Variants in TANK observed in about 807,000 individuals in gnomAD.
TANK encodes the protein TRAF family member-associated NF-kappa-B activator.
TANK carries 15 observed loss-of-function variants against 43.6 expected under a neutral mutation model. The ratio of observed to expected loss-of-function variants is 0.34; its 90% CI spans 0.23 to 0.53. The LOEUF is 0.53. TANK is among the 20% of genes least tolerant of loss of function. The pLI, the probability that TANK is intolerant of heterozygous loss-of-function variation, is 0.94. For synonymous variants in TANK, 162 were observed against 178.2 expected (o/e 0.91, Z 0.73); for missense variants, 417 against 498.6 (o/e 0.84, Z 1.56).
chr2:161,204,496 G>A (rs1205403830), intron 3 of TANK, among the ~76,000 whole-genome samples, 179 bp from the exon 4 acceptor site: 1 of 152,118 alleles, frequency 6.6e-6, no homozygotes, highest in African/African-American at 2.4e-5. Flanking sequence ...TGTTTAGTGG[G>A]AAGGAAAAAA....
chr2:161,144,361 G>T (rs1334455034), intron 1 of TANK, among the ~76,000 whole-genome samples: 1 of 152,046 alleles, frequency 6.6e-6, no homozygotes, highest in Non-Finnish European at 1.5e-5. Context: ...TTTTGGATTT[G>T]TTTGCTCTTG....
At chr2:161,201,352 T>C (rs530419845) in intron 2 of TANK, 1 of 830,092 alleles carries the variant, frequency 1.2e-6, no homozygotes, top group Non-Finnish European at 1.5e-6. Context: ...AGCCAGAGAA[T>C]AGAAGATAAA....
At chr2:161,208,527 C>G (rs1235878545) in intron 4 of TANK, among the ~76,000 whole-genome samples, 1 of 152,078 alleles carries the variant, frequency 6.6e-6, no homozygotes, top group African/African-American at 2.4e-5. Flanking sequence ...AGACTTACCC[C>G]AAAACTTAGG....
chr2:161,186,982 G>T lies in TANK; in HGVS notation c.99+7221G>T, dbSNP rs986274673. Among the ~76,000 whole-genome samples the T allele has an allele frequency of 9.8e-5, 15 of 152,290 alleles. No homozygotes were observed. In the East Asian group the frequency reaches 2.9e-3, roughly 29 times the overall value. Reference sequence around the variant, plus strand: ...CACAATTTGATATCATCTCACCTGAGTTAAAATAGTTTTCTTGATTAAAAT... The same window carrying T: ...CACAATTTGATATCATCTCACCTGATTTAAAATAGTTTTCTTGATTAAAAT... On this transcript the variant is annotated intron_variant, in intron 2 of 7. Transcript: ENST00000392749.
rs73971175 is a variant in TANK, at chr2:161,173,764, G to A, written c.-49-5850G>A. Among the ~76,000 whole-genome samples the A allele has an allele frequency of 3.0e-3, 460 of 152,234 alleles. 2 individuals are homozygous for A. The highest frequency in any genetic ancestry group is 0.011 in the African/African-American group (445 of 41,546). ...TGACTGTTTTTCACTTTCCCAGGGA[G>A]AAAAGGAGTGCCTATTGTGTGTTCA... On this transcript the variant is annotated intron_variant, in intron 1 of 7. Transcript: ENST00000392749.
Position 161,179,807 on chromosome 2 carries a change from G to A in TANK, c.99+46G>A, listed in dbSNP as rs759351360. On this transcript the variant is annotated intron_variant, in intron 2 of 7. Coordinates refer to ENST00000392749, the MANE Select transcript of TANK (RefSeq NM_001199135.3). ...AAGTTATTCTTTATCTTGGTACATG[G>A]AATTTTAGAGCCTTTTGCATCTGAA... 1.9e-5 allele frequency: 30 copies of A among 1,566,398 alleles called. No homozygotes were observed. In the African/African-American group the frequency reaches 4.0e-4, roughly 21 times the overall value.
intron 1 of TANK, among the ~76,000 whole-genome samples, chr2:161,173,261 A>T (rs751935733): frequency 3.3e-5 from 5 of 152,106 alleles, no homozygotes; most frequent in African/African-American, 4.8e-5. Context: ...CCTCGCTATC[A>T]TCTCTGCACA....
At chr2:161,223,251 C>A (rs1386662909) in intron 4 of TANK, 1 of 151,862 alleles carries the variant, frequency 6.6e-6, no homozygotes, top group Non-Finnish European at 1.5e-5. Context: ...ATATTTAAAC[C>A]ATAGAATACA....
At chr2:161,193,791 C>T (rs1319940071) in intron 2 of TANK, among the ~76,000 whole-genome samples, 5 of 152,154 alleles carry the variant, frequency 3.3e-5, no homozygotes, top group Non-Finnish European at 5.9e-5. Flanking sequence ...TGTTCACACC[C>T]TCTAGCCAGA....
At chr2:161,215,401 A>G (rs935045583) in intron 4 of TANK, among the ~76,000 whole-genome samples, 7 of 152,146 alleles carry the variant, frequency 4.6e-5, no homozygotes, top group African/African-American at 9.7e-5. Context: ...CAATTGTCTT[A>G]TATCTTCATA....
rs774740419 is a variant in TANK at position 161,224,607 on chromosome 2, TA to T, written c.405-20del. 16 of 1,237,366 alleles carry T rather than the reference TA, an allele frequency of 1.3e-5. No homozygotes were observed. The South Asian group carries it at 2.6e-4, about 20-fold the overall frequency. 76.6% of individuals were successfully genotyped at this position (1,237,366 alleles called of 1,614,324 possible). On this transcript the variant is annotated intron_variant, in intron 5 of 7. Coordinates refer to ENST00000392749, the MANE Select transcript of TANK (RefSeq NM_001199135.3). ...ACTTGGAAGTTATAGCTTTACATTTTAAAATGTTGATTTTTTTTTTTAGGGG... is the reference window on the plus strand; with the variant it reads ...ACTTGGAAGTTATAGCTTTACATTTTAAATGTTGATTTTTTTTTTTAGGGG...
At chr2:161,156,784 G>A (rs114444456), upstream of TANK, among the ~76,000 whole-genome samples, 2,221 of 152,332 alleles carry the variant, frequency 0.015, 53 homozygotes, top group African/African-American at 0.051. Flanking sequence ...GGGCTGAGGT[G>A]AGATTCCTTA....
At chr2:161,202,855 T>TC in intron 2 of TANK, 1 of 467,990 alleles carries the variant, frequency 2.1e-6, no homozygotes, top group Non-Finnish European at 4.4e-6. Flanking sequence ...ATTGCTTTAT[T>TC]CTCACAGTCA....
At chr2:161,208,162 T>C (rs1686730044) in intron 4 of TANK, 1 of 985,186 alleles carries the variant, frequency 1.0e-6, no homozygotes, top group Admixed American at 6.2e-5. Flanking sequence ...GAAAGACTTG[T>C]GGACATTTTG....
intron 4 of TANK, chr2:161,207,566 T>G: frequency 1.0e-6 from 1 of 984,144 alleles, no homozygotes; most frequent in African/African-American, 1.7e-5. Context: ...ATGGATAAAT[T>G]AGATTTATTG....
At chr2:161,185,199 A>G (rs528780336) in intron 2 of TANK, among the ~76,000 whole-genome samples, 2 of 152,324 alleles carry the variant, frequency 1.3e-5, no homozygotes, top group Non-Finnish European at 2.9e-5. Context: ...AAAAGAATGT[A>G]GTATCATAGA....
chr2:161,150,177 C>T (rs1684033785), intron 1 of TANK, among the ~76,000 whole-genome samples: 1 of 152,012 alleles, frequency 6.6e-6, no homozygotes, highest in African/African-American at 2.4e-5. Flanking sequence ...GTTCAGATTT[C>T]CTATTTCCTC....
rs74413216 is a variant in TANK, at chr2:161,208,107, A to G, written c.327+3314A>G. ...TTTGAGGATTTGTTTTCTTTAGACAATTTGTTTTGTTTAGGATTTTGTTTT... is the reference window on the plus strand; with the variant it reads ...TTTGAGGATTTGTTTTCTTTAGACAGTTTGTTTTGTTTAGGATTTTGTTTT... On this transcript the variant is annotated intron_variant, in intron 4 of 7. Transcript: ENST00000392749. The G allele has an allele frequency of 2.4e-4, 235 of 963,002 alleles. No homozygotes were observed. In the East Asian group the frequency reaches 0.022, roughly 90 times the overall value. The allele number at this position is 963,002 out of a possible 1,614,324, so 59.7% of individuals were successfully genotyped here.
chr2:161,221,422 ACT>A (rs1018182898), intron 4 of TANK, among the ~76,000 whole-genome samples: 13 of 152,114 alleles, frequency 8.5e-5, no homozygotes, highest in Admixed American at 4.6e-4. Context: ...AAGTTATCTT[ACT>A]CTCTGAGATG....
Sources: allele counts gnomAD v4.1 joint callset (sites outside exome capture counted in the v4.1 genomes callset), GRCh38; gene constraint gnomAD v4.1.1; transcripts MANE v1.5; gene names NCBI Gene and HGNC (gene_info 2026-07-23, HGNC 2026-07-21).